Variants in PPP2R2D observed in about 807,000 individuals in gnomAD.
PPP2R2D encodes serine/threonine-protein phosphatase 2A 55 kDa regulatory subunit B delta isoform.
PPP2R2D carries 9 observed loss-of-function variants against 31.1 expected under a neutral mutation model. The observed-to-expected ratio is 0.29, with a 90% CI of 0.17 to 0.51. The LOEUF (loss-of-function observed/expected upper bound fraction) is 0.51, where lower values mean the gene tolerates loss of function less well. PPP2R2D is among the 20% of genes least tolerant of loss of function. The probability of loss-of-function intolerance (pLI) is 0.98; values close to 1 mark genes in which losing one functional copy is unlikely to be tolerated. For synonymous variants in PPP2R2D, 179 were observed against 172.6 expected (o/e 1.04, Z -0.29); for missense variants, 391 against 465.6 (o/e 0.84, Z 1.48).
At position 131,945,494 on chromosome 10, in the gene PPP2R2D, C is replaced by T. The variant is rs1218663250; in HGVS notation, c.820+35C>T. 1.9e-6 allele frequency: 3 copies of T among 1,569,434 alleles called. No homozygotes were observed. The highest frequency in any genetic ancestry group is 1.7e-6 in the Non-Finnish European group (2 of 1,152,456). On this transcript the variant is annotated intron_variant, in intron 7 of 8. Transcript: ENST00000455566. This position sits in a 1 kb window ranked among gnomAD's most constrained non-coding sequence, Gnocchi z 4.8. ...TCTGTTGTTGAGATGGAGTCTGGCT[C>T]TGTCACCCAGGCTGCGGTGCAGTGA... is the stretch of plus-strand genomic sequence containing the variant.
chr10:131,931,062 A>G (rs1274082540), intron 2 of PPP2R2D, among the ~76,000 whole-genome samples: 3 of 151,978 alleles, frequency 2.0e-5, no homozygotes, highest in South Asian at 2.1e-4. Context: ...GTCCTGCCCC[A>G]CTCACCCGCA....
At chr10:131,918,534 GAC>G (rs2035877877) in intron 2 of PPP2R2D, among the ~76,000 whole-genome samples, 1 of 148,862 alleles carries the variant, frequency 6.7e-6, no homozygotes. Flanking sequence ...CCGGTGGAAT[GAC>G]ACAGTGTAGG....
rs1259423999 is a variant in PPP2R2D at position 131,957,009 on chromosome 10, C to T, written c.*1046C>T. On this transcript the variant is annotated 3_prime_UTR_variant, in exon 9 of 9. Transcript: ENST00000455566. The stretch of plus-strand genomic sequence containing the variant: ...TTTTAATTACACGATGCCACCAGTA[C>T]GTTGGTTTATTTTCAAAGTAGGATC... 2.6e-5 allele frequency: 4 copies of T among 152,278 alleles called. No individual in the cohort carries two copies. The highest frequency in any genetic ancestry group is 6.5e-5 in the Admixed American group (1 of 15,290). 9.4% of individuals were successfully genotyped at this position (152,278 alleles called of 1,614,324 possible). A position where few individuals can be genotyped will look rare whatever the true frequency, so the allele number is the denominator to read the frequency against.
intron 5 of PPP2R2D, among the ~76,000 whole-genome samples, chr10:131,941,779 G>C (rs2036446461): frequency 6.6e-6 from 1 of 152,158 alleles, no homozygotes; most frequent in Non-Finnish European, 1.5e-5. Flanking sequence ...TTGCCGTGTG[G>C]GGTGGCTACA....
intron 2 of PPP2R2D, among the ~76,000 whole-genome samples, chr10:131,918,016 C>G: frequency 7.2e-6 from 1 of 139,374 alleles, no homozygotes; most frequent in Non-Finnish European, 1.5e-5. Flanking sequence ...GGTGGAATGA[C>G]ACAGTGTAGG....
In PPP2R2D at chr10:131,958,025, C is replaced by A. The variant is rs1243094567; in HGVS notation, c.*2062C>A. On this transcript the variant is annotated 3_prime_UTR_variant, in exon 9 of 9. Coordinates refer to ENST00000455566, the MANE Select transcript of PPP2R2D (RefSeq NM_018461.5). ...GAGGCGTGTGCTGATCCCCCGTCCC[C>A]CTGTGGAGATGAAGGTGTGTGCTGA... 3.1e-5 allele frequency: 5 copies of A among 160,248 alleles called. No homozygotes were observed. Among genetic ancestry groups the A allele is most frequent in the East Asian group, 2.0e-4 (1 of 4,984 alleles). The allele number at this position is 160,248 out of a possible 1,614,324, so 9.9% of individuals were successfully genotyped here.
chr10:131,966,907 G>A, the PPP2R2D span: 2 of 141,288 alleles, frequency 1.4e-5, no homozygotes, highest in Non-Finnish European at 3.0e-5. Context: ...TTGAGATGGA[G>A]TCTCGTTCTC....
In PPP2R2D at chr10:131,916,697, A is replaced by G. The variant is rs1479788453; in HGVS notation, c.100+15367A>G. On this transcript the variant is annotated intron_variant, in intron 2 of 8. Coordinates refer to ENST00000455566, the MANE Select transcript of PPP2R2D (RefSeq NM_018461.5). The stretch of plus-strand genomic sequence containing the variant: ...GTAGGGACCTCAGGCAGGTGGAATG[A>G]CATAGTGTTTGTAGGGACCTCAGGC... 4.0e-5 allele frequency among the ~76,000 whole-genome samples: 6 copies of G among 151,036 alleles called. 1 individual carries two copies. The highest frequency in any genetic ancestry group is 1.5e-4 in the African/African-American group (6 of 40,810).
the PPP2R2D span, among the ~76,000 whole-genome samples, chr10:131,965,916 G>A: frequency 5.9e-5 from 9 of 152,288 alleles, no homozygotes; most frequent in East Asian, 1.9e-4. Flanking sequence ...GCAAAGCACC[G>A]GCCCTGCAGG....
intron 3 of PPP2R2D, among the ~76,000 whole-genome samples, chr10:131,939,059 A>T (rs1048329999): frequency 6.6e-6 from 1 of 152,238 alleles, no homozygotes. Context: ...TTCCACTAAC[A>T]CTTGCCTTAA....
rs782087412 is a variant in PPP2R2D, at chr10:131,955,782, C to T, written c.1181C>T (p.Pro394Leu). ...TLEASRESSKPRASLKPRKVC... is the reference protein window; with the variant it reads ...TLEASRESSKLRASLKPRKVC... ...GAGGCCTCGAGAGAGAGCAGCAAAC[C>T]GCGCGCCAGCCTCAAACCCCGGAAG... Residue 394 changes from proline to leucine, a missense_variant, in exon 9 of 9, where the codon CCG (proline) becomes CTG (leucine). Physicochemically the swap from Pro to Leu is moderately conservative, Grantham distance 98. This residue lies in a region of PPP2R2D where 163 missense variants were observed against 179.5 expected (regional missense o/e 0.91). Transcript: ENST00000455566. 19 of 1,592,690 alleles carry T rather than the reference C, an allele frequency of 1.2e-5. No individual in the cohort carries two copies. Among genetic ancestry groups the T allele is most frequent in the South Asian group, 9.1e-5 (8 of 88,278 alleles).
intron 6 of PPP2R2D, 32 bp downstream of exon 6, chr10:131,944,177 C>A (rs782657851): frequency 5.1e-6 from 8 of 1,565,792 alleles, no homozygotes; most frequent in Non-Finnish European, 7.0e-6. Context: ...CTGGCGTCTT[C>A]CCGAGGGTGC....
chr10:131,904,446 C>T (rs929136401), intron 2 of PPP2R2D, among the ~76,000 whole-genome samples: 2 of 143,272 alleles, frequency 1.4e-5, no homozygotes, highest in Non-Finnish European at 3.1e-5. Context: ...GGAGGCAGAG[C>T]TTGCAGTGAG....
At chr10:131,968,622 G>T in the PPP2R2D span, 1 of 1,488,078 alleles carries the variant, frequency 6.7e-7, no homozygotes, top group Admixed American at 1.7e-5. Flanking sequence ...ACAGGAGACT[G>T]TGTTACAGCT....
chr10:131,930,445 T>G (rs1187225898), intron 2 of PPP2R2D, among the ~76,000 whole-genome samples: 2 of 152,388 alleles, frequency 1.3e-5, no homozygotes, highest in Non-Finnish European at 1.5e-5. Context: ...CCAAATTGCC[T>G]CTCGCAGCAG....
At chr10:131,910,712 C>T (rs991840535) in intron 2 of PPP2R2D, among the ~76,000 whole-genome samples, 19 of 152,162 alleles carry the variant, frequency 1.2e-4, no homozygotes, top group Admixed American at 3.3e-4. Flanking sequence ...CTTCGTAATG[C>T]GTTGGCTAAG....
At chr10:131,966,318 A>G in the PPP2R2D span, 1 of 152,222 alleles carries the variant, frequency 6.6e-6, no homozygotes, top group Non-Finnish European at 1.5e-5. Context: ...TTATAAACTT[A>G]ATGATTAAAA....
downstream of PPP2R2D, among the ~76,000 whole-genome samples, chr10:131,961,866 T>A (rs7078692): frequency 0.28 from 42,302 of 150,988 alleles, 6,030 homozygotes; most frequent in East Asian, 0.45. Flanking sequence ...GGACTGACAG[T>A]CTCCCACCCC....
intron 2 of PPP2R2D, among the ~76,000 whole-genome samples, chr10:131,921,692 G>A (rs1286772802): frequency 1.3e-5 from 2 of 152,126 alleles, no homozygotes; most frequent in South Asian, 2.1e-4. Flanking sequence ...TGCGGAGGTG[G>A]GCTGGAATCC....
Sources: gnomAD v4.1 joint callset for allele counts (sites outside exome capture counted in the v4.1 genomes callset) on GRCh38, gnomAD v4.1.1 for gene constraint, gnomAD v4.1.1 regional missense constraint, Gnocchi (gnomAD v3.1) non-coding constraint, MANE v1.5 for transcripts, NCBI Gene and HGNC (gene_info 2026-07-23, HGNC 2026-07-21) for gene names.